TSNARE1: variants seen among roughly 807,000 people sequenced by gnomAD.
TSNARE1 encodes t-SNARE domain containing 1, also known as t-SNARE domain-containing protein 1.
Under a neutral mutation model 62.0 loss-of-function variants are expected in TSNARE1, and 49 were observed. The observed-to-expected ratio is 0.79, with a 90% CI of 0.63 to 1.00. TSNARE1 has a LOEUF of 1.00. TSNARE1 is among the 50% of genes least tolerant of loss of function. The pLI, the probability that TSNARE1 is intolerant of heterozygous loss-of-function variation, is 0.00. For missense variants in TSNARE1, 755 were observed against 700.1 expected (o/e 1.08, Z -0.88); for synonymous variants, 328 against 294.4 (o/e 1.11, Z -1.17).
intron 13 of TSNARE1, among the ~76,000 whole-genome samples, chr8:142,223,173 A>ACTC (rs1563756909): frequency 1.2e-4 from 4 of 32,900 alleles, no homozygotes; most frequent in South Asian, 1.1e-3. Context: ...CACTCACTCA[A>ACTC]GTATTCACTC....
chr8:142,293,281 C>T (rs1290014610), intron 10 of TSNARE1, among the ~76,000 whole-genome samples: 2 of 152,232 alleles, frequency 1.3e-5, no homozygotes, highest in South Asian at 2.1e-4. Context: ...AGAGCTTGGC[C>T]GCATTCCCGA....
At chr8:142,257,123 T>C (rs756826043) in intron 12 of TSNARE1, among the ~76,000 whole-genome samples, 61 of 152,054 alleles carry the variant, frequency 4.0e-4, no homozygotes, top group Non-Finnish European at 7.2e-4. Flanking sequence ...TGGGGCGGTG[T>C]CCCTCATCAC....
intron 1 of TSNARE1, among the ~76,000 whole-genome samples, chr8:142,375,898 C>A (rs905009201): frequency 6.6e-6 from 1 of 152,156 alleles, no homozygotes; most frequent in Non-Finnish European, 1.5e-5. Flanking sequence ...TGGACGCCTG[C>A]AGGGTGTAAG....
At chr8:142,298,966 TG>T (rs1385271626) in intron 10 of TSNARE1, among the ~76,000 whole-genome samples, 1 of 152,240 alleles carries the variant, frequency 6.6e-6, no homozygotes, top group African/African-American at 2.4e-5. Context: ...GGTGGTTCTC[TG>T]GAGCATCTCA....
At chr8:142,375,157 C>T (rs974696298) in intron 1 of TSNARE1, among the ~76,000 whole-genome samples, 1 of 152,244 alleles carries the variant, frequency 6.6e-6, no homozygotes, top group African/African-American at 2.4e-5. Context: ...CGGTCCTGTC[C>T]TAAACACTGG....
At chr8:142,245,247 T>A (rs1259029615) in intron 12 of TSNARE1, among the ~76,000 whole-genome samples, 1 of 152,192 alleles carries the variant, frequency 6.6e-6, no homozygotes, top group Non-Finnish European at 1.5e-5. Flanking sequence ...AATAACCACA[T>A]GGCTGGAAAG....
At chr8:142,382,907 C>G (rs960690045) in intron 1 of TSNARE1, among the ~76,000 whole-genome samples, 1 of 152,156 alleles carries the variant, frequency 6.6e-6, no homozygotes, top group Non-Finnish European at 1.5e-5. Context: ...CAGCAGGCAG[C>G]AGGCGGTGAG....
At chr8:142,304,370 G>A (rs1435365510) in intron 9 of TSNARE1, among the ~76,000 whole-genome samples, 1 of 152,234 alleles carries the variant, frequency 6.6e-6, no homozygotes, top group Non-Finnish European at 1.5e-5. Context: ...GGTGCCGGCT[G>A]TGAGGCCCCA....
intron 2 of TSNARE1, 136 bp from the exon 3 acceptor site, chr8:142,346,028 C>T (rs1024260871): frequency 2.0e-6 from 2 of 989,386 alleles, no homozygotes; most frequent in Non-Finnish European, 3.0e-6. Context: ...GAAGCCCTCC[C>T]TGCCTGCTAT....
At chr8:142,296,405 T>TGGG (rs1824753308) in intron 10 of TSNARE1, among the ~76,000 whole-genome samples, 1 of 39,742 alleles carries the variant, frequency 2.5e-5, no homozygotes, top group African/African-American at 1.0e-4. Context: ...GTCACTGTCA[T>TGGG]GGAGGAGAGG....
chr8:142,362,030 C>T (rs1190897860), intron 1 of TSNARE1, among the ~76,000 whole-genome samples: 1 of 152,256 alleles, frequency 6.6e-6, no homozygotes, highest in African/African-American at 2.4e-5. Flanking sequence ...CGATGGCCTG[C>T]AGCAGGAGGG....
intron 1 of TSNARE1, among the ~76,000 whole-genome samples, chr8:142,400,543 A>T (rs1169375034): frequency 2.6e-5 from 4 of 151,854 alleles, no homozygotes; most frequent in Non-Finnish European, 5.9e-5. Flanking sequence ...AATCAAGACC[A>T]TCCTGGCCAA....
At chr8:142,398,778 G>A (rs1838079375) in intron 1 of TSNARE1, among the ~76,000 whole-genome samples, 1 of 152,212 alleles carries the variant, frequency 6.6e-6, no homozygotes, top group Non-Finnish European at 1.5e-5. Flanking sequence ...CAATGACCCT[G>A]TCCAGGCAGG....
At chr8:142,406,112 G>A (rs1339372232), upstream of TSNARE1, 1 of 152,362 alleles carries the variant, frequency 6.6e-6, no homozygotes, top group Admixed American at 6.5e-5. Flanking sequence ...GCTCCAGCCT[G>A]AAGTGTGGGC....
At chr8:142,235,271 G>A (rs1017285528) in intron 12 of TSNARE1, among the ~76,000 whole-genome samples, 4 of 152,112 alleles carry the variant, frequency 2.6e-5, no homozygotes, top group African/African-American at 9.7e-5. Flanking sequence ...GACTCACCCA[G>A]GATACCCACA....
At chr8:142,310,165 C>T (rs1247221937) in intron 9 of TSNARE1, among the ~76,000 whole-genome samples, 1 of 152,108 alleles carries the variant, frequency 6.6e-6, no homozygotes, top group Non-Finnish European at 1.5e-5. Context: ...ATTATTTTGG[C>T]TTTGCTAACT....
Position 142,319,230 on chromosome 8 carries a change from G to A in TSNARE1, c.894-596C>T, listed in dbSNP as rs192041486. Among the ~76,000 whole-genome samples, 10 of 152,186 alleles carry A rather than the reference G, an allele frequency of 6.6e-5. No homozygotes were observed. In the East Asian group the frequency reaches 7.8e-4, roughly 12 times the overall value. ...CCCTCCCTGCAGAAAGGCCCGTCTC[G>A]GGGTCAGCTCCCCTCGGAAAGCCAG... On this transcript the variant is annotated intron_variant, in intron 6 of 13. Coordinates refer to ENST00000524325, the MANE Select transcript of TSNARE1 (RefSeq NM_145003.5). The surrounding 1 kb of genome is among the most constrained non-coding windows in gnomAD (Gnocchi z 4.9).
At chr8:142,227,014 GCCAAGCCCCCCAC>G (rs1816824808) in intron 13 of TSNARE1, among the ~76,000 whole-genome samples, 1 of 132,532 alleles carries the variant, frequency 7.5e-6, no homozygotes, top group African/African-American at 3.6e-5. Flanking sequence ...AGCAGTGACA[GCCAAGCCCCCCAC>G]TGCACCCACA....
At chr8:142,212,698 C>T (rs947598942) in intron 13 of TSNARE1, among the ~76,000 whole-genome samples, 23 of 152,146 alleles carry the variant, frequency 1.5e-4, no homozygotes, top group Admixed American at 4.6e-4. Context: ...GCGCACCCAC[C>T]GGCCCTCCCT....
Sources: gnomAD v4.1 joint callset for allele counts (sites outside exome capture counted in the v4.1 genomes callset) on GRCh38, gnomAD v4.1.1 for gene constraint, Gnocchi (gnomAD v3.1) non-coding constraint, MANE v1.5 for transcripts, NCBI Gene and HGNC (gene_info 2026-07-23, HGNC 2026-07-21) for gene names.